The following RPRD1A variants were observed in gnomAD, a reference collection of about 807,000 sequenced individuals.
RPRD1A encodes regulation of nuclear pre-mRNA domain containing 1A, also known as regulation of nuclear pre-mRNA domain-containing protein 1A.
In RPRD1A, 9 loss-of-function variants were observed where a neutral mutation model predicts 37.8. That is an observed-to-expected ratio of 0.24 (90% CI 0.14 to 0.42). RPRD1A has a LOEUF of 0.42. Ranked by LOEUF, RPRD1A falls within the 10% of genes least tolerant of loss-of-function variation. RPRD1A has a pLI of 1.00. For missense variants in RPRD1A, 255 were observed against 371.0 expected (o/e 0.69, Z 2.57); for synonymous variants, 138 against 139.7 (o/e 0.99, Z 0.08).
At chr18:36,046,856 T>A (rs1598652720) in intron 1 of RPRD1A, among the ~76,000 whole-genome samples, 1 of 138,196 alleles carries the variant, frequency 7.2e-6, no homozygotes, top group Non-Finnish European at 1.6e-5. Context: ...TAGAGTCTCA[T>A]AACATAACCT....
intron 1 of RPRD1A, among the ~76,000 whole-genome samples, chr18:36,049,266 T>C (rs1913195496): frequency 6.6e-6 from 1 of 152,216 alleles, no homozygotes; most frequent in Non-Finnish European, 1.5e-5. Context: ...GGATCAAGAT[T>C]TAACAAAATT....
At chr18:36,040,441 G>A (rs1252163936) in intron 1 of RPRD1A, among the ~76,000 whole-genome samples, 1 of 152,202 alleles carries the variant, frequency 6.6e-6, no homozygotes, top group East Asian at 1.9e-4. Flanking sequence ...CATTATATAT[G>A]AGGGAATAAT....
intron 4 of RPRD1A, among the ~76,000 whole-genome samples, chr18:36,029,276 C>T (rs2093180204): frequency 6.6e-6 from 1 of 152,076 alleles, no homozygotes; most frequent in African/African-American, 2.4e-5. Context: ...TTTCTTTCAC[C>T]TTCATGGGGG....
intron 1 of RPRD1A, among the ~76,000 whole-genome samples, chr18:36,053,582 G>GC (rs1298997794): frequency 2.6e-5 from 4 of 152,146 alleles, no homozygotes; most frequent in South Asian, 4.1e-4. Context: ...GAACATGCAG[G>GC]TTGTTTCAAT....
At chr18:36,038,127 G>A (rs893131238) in intron 1 of RPRD1A, among the ~76,000 whole-genome samples, 4 of 152,234 alleles carry the variant, frequency 2.6e-5, no homozygotes, top group Admixed American at 6.5e-5. Context: ...GCAGAAATTT[G>A]CAAGTAACAA....
intron 1 of RPRD1A, among the ~76,000 whole-genome samples, chr18:36,058,185 G>A (rs1913926464): frequency 6.6e-6 from 1 of 152,108 alleles, no homozygotes; most frequent in Admixed American, 6.5e-5. Context: ...TGGGACTACA[G>A]TCATGCACCA....
At chr18:35,998,416 G>T (rs1909219953) in intron 6 of RPRD1A, among the ~76,000 whole-genome samples, 1 of 152,100 alleles carries the variant, frequency 6.6e-6, no homozygotes, top group African/African-American at 2.4e-5. Flanking sequence ...CCATGGCATG[G>T]GTGCATTTGG....
intron 2 of RPRD1A, among the ~76,000 whole-genome samples, chr18:36,033,223 A>G (rs1482339416): frequency 6.7e-6 from 1 of 148,674 alleles, no homozygotes; most frequent in Non-Finnish European, 1.5e-5. Context: ...AATCGCTTGA[A>G]CCCAAGCGGC....
At chr18:36,008,577 G>GTGTGTGTATGTGTATATATATATATA in intron 6 of RPRD1A, among the ~76,000 whole-genome samples, 1 of 47,802 alleles carries the variant, frequency 2.1e-5, no homozygotes, top group African/African-American at 6.8e-5. Flanking sequence ...CCTTGTGTGT[G>GTGTGTGTATGTGTATATATATATATA]TATATATATA....
intron 1 of RPRD1A, among the ~76,000 whole-genome samples, chr18:36,056,611 T>A (rs1408084470): frequency 1.3e-5 from 2 of 152,098 alleles, no homozygotes; most frequent in African/African-American, 4.8e-5. Context: ...AAATTTCATA[T>A]TATTTGCATA....
At chr18:36,057,399 G>A (rs1913868685) in intron 1 of RPRD1A, among the ~76,000 whole-genome samples, 1 of 152,174 alleles carries the variant, frequency 6.6e-6, no homozygotes, top group Non-Finnish European at 1.5e-5. Context: ...CTTGAGCCCA[G>A]GAGTTTGAGA....
intron 6 of RPRD1A, among the ~76,000 whole-genome samples, chr18:36,013,758 GTTTT>G (rs1568121022): frequency 1.3e-5 from 2 of 151,950 alleles, no homozygotes; most frequent in African/African-American, 4.8e-5. Flanking sequence ...GTAAAAAAAA[GTTTT>G]TTTACATTTC....
chr18:35,992,576 C>T lies in RPRD1A; in HGVS notation c.*575G>A, dbSNP rs924749467. The T allele has an allele frequency of 6.6e-6, 1 of 152,144 alleles. No homozygotes were observed. Among genetic ancestry groups the T allele is most frequent in the African/African-American group, 2.4e-5 (1 of 41,430 alleles). The allele number at this position is 152,144 out of a possible 1,614,324, so 9.4% of individuals were successfully genotyped here. On this transcript the variant is annotated 3_prime_UTR_variant, in exon 7 of 7. Coordinates refer to ENST00000399022, the MANE Select transcript of RPRD1A (RefSeq NM_018170.5). ...GAACAGTTCTCTAGACTTTCATCTG[C>T]CCCTCAAAGTGACATCCCTGTTTTA... is the stretch of plus-strand genomic sequence containing the variant.
chr18:36,034,863 C>T (rs1164873199), intron 1 of RPRD1A, among the ~76,000 whole-genome samples: 1 of 152,158 alleles, frequency 6.6e-6, no homozygotes, highest in East Asian at 1.9e-4. Flanking sequence ...CCTCTGAGTT[C>T]ACATCATTCT....
intron 6 of RPRD1A, chr18:36,026,323 T>C (rs947751895): frequency 6.6e-6 from 1 of 152,440 alleles, no homozygotes; most frequent in Non-Finnish European, 1.5e-5. Context: ...CAATTGCTAC[T>C]CTAATCAAAG....
chr18:36,061,304 T>G (rs191773281), intron 1 of RPRD1A, among the ~76,000 whole-genome samples: 1 of 152,210 alleles, frequency 6.6e-6, no homozygotes, highest in African/African-American at 2.4e-5. Context: ...TCTTTACCAT[T>G]GTAATACACA....
intron 1 of RPRD1A, chr18:36,040,877 C>A: frequency 6.8e-7 from 1 of 1,478,954 alleles, no homozygotes; most frequent in Non-Finnish European, 9.0e-7. Flanking sequence ...TAAAAGGAAG[C>A]AATTAACAAG....
At chr18:36,040,943 A>G in intron 1 of RPRD1A, 1 of 841,500 alleles carries the variant, frequency 1.2e-6, no homozygotes, top group South Asian at 1.9e-5. Flanking sequence ...ATTGTCTTTC[A>G]GAATGAACTA....
Position 36,028,286 on chromosome 18 carries a change from G to C in RPRD1A, c.487-976C>G, listed in dbSNP as rs137992941. On this transcript the variant is annotated intron_variant, in intron 4 of 6. Coordinates refer to ENST00000399022, the MANE Select transcript of RPRD1A (RefSeq NM_018170.5). ...CATGACAAATGATCAAATGTGGTAG[G>C]AATGAATGAAACTAATAAGAAATAT... 445 of 151,814 alleles carry C rather than the reference G, an allele frequency of 2.9e-3. 4 individuals carry two copies. The highest frequency in any genetic ancestry group is 0.01 in the African/African-American group (415 of 41,424). The allele number at this position is 151,814 out of a possible 1,614,324, so 9.4% of individuals were successfully genotyped here.
Sources: gnomAD v4.1 joint callset for allele counts (sites outside exome capture counted in the v4.1 genomes callset) on GRCh38, gnomAD v4.1.1 for gene constraint, MANE v1.5 for transcripts, NCBI Gene and HGNC (gene_info 2026-07-23, HGNC 2026-07-21) for gene names.